ANXA9: variants seen among roughly 807,000 people sequenced by gnomAD.
ANXA9 encodes annexin 31.
Under a neutral mutation model 51.8 loss-of-function variants are expected in ANXA9, and 47 were observed. The ratio of observed to expected loss-of-function variants is 0.91; its 90% confidence interval spans 0.72 to 1.16. The LOEUF (loss-of-function observed/expected upper bound fraction) is 1.16, where lower values mean the gene tolerates loss of function less well. ANXA9 is among the 50% of genes most tolerant of loss of function. The probability of loss-of-function intolerance (pLI) is 0.00; values close to 1 mark genes in which losing one functional copy is unlikely to be tolerated. For synonymous variants in ANXA9, 154 were observed against 168.7 expected, an observed-to-expected ratio of 0.91 and a Z score of 0.68; for missense variants, 361 against 424.7, an observed-to-expected ratio of 0.85 and a Z score of 1.32.
At chr1:150,990,882 T>A (rs1030472193) in intron 12 of ANXA9, among the ~76,000 whole-genome samples, 2 of 151,978 alleles carry the variant, frequency 1.3e-5, no homozygotes, top group Admixed American at 1.3e-4. Context: ...CGGTGGCTCA[T>A]GCCTGTAATC....
At chr1:150,990,706 G>C (rs139999434) in intron 12 of ANXA9, among the ~76,000 whole-genome samples, 3 of 152,158 alleles carry the variant, frequency 2.0e-5, no homozygotes, top group Admixed American at 6.5e-5. Flanking sequence ...AATTAGCCAG[G>C]GGGTAGTGGT....
rs968668021 is a variant in ANXA9 at position 150,988,441 on chromosome 1, A to T, written c.852+100A>T. 8.6e-6 allele frequency: 12 copies of T among 1,402,510 alleles called. No homozygotes were observed. In the African/African-American group the frequency reaches 1.7e-4, roughly 20 times the overall value. The allele number at this position is 1,402,510 out of a possible 1,614,324, so 86.9% of individuals were successfully genotyped here. On this transcript the variant is annotated intron_variant, in intron 12 of 13. Transcript: ENST00000368947. ...GTAACCATCCTATATACACCGTCTAAACCTCAAGCCGCTCTCCTTCCCAGG... is the reference window on the plus strand; with the variant it reads ...GTAACCATCCTATATACACCGTCTATACCTCAAGCCGCTCTCCTTCCCAGG...
At chr1:150,983,207 C>T (rs1310121067) in intron 3 of ANXA9, 27 bp downstream of exon 3, 4 of 1,610,538 alleles carry the variant, frequency 2.5e-6, no homozygotes, top group Non-Finnish European at 8.5e-7. Context: ...TTTTAGAGAT[C>T]ACTTTTAGTA....
chr1:150,995,231 T>C, intron 13 of ANXA9, 29 bp from the exon 14 acceptor site: 3 of 1,599,974 alleles, frequency 1.9e-6, no homozygotes, highest in Non-Finnish European at 2.6e-6. Context: ...GTGGTGGATC[T>C]TTCTAACACT....
intron 9 of ANXA9, among the ~76,000 whole-genome samples, chr1:150,987,404 GCA>G (rs1229606788): frequency 4.0e-5 from 5 of 125,724 alleles, no homozygotes; most frequent in Non-Finnish European, 5.2e-5. Flanking sequence ...ACACACACAC[GCA>G]CACACACAAA....
intron 12 of ANXA9, among the ~76,000 whole-genome samples, chr1:150,994,099 G>A (rs964240280): frequency 6.6e-6 from 1 of 152,178 alleles, no homozygotes; most frequent in Non-Finnish European, 1.5e-5. Context: ...ATCAGAACTA[G>A]AAGTCACACA....
intron 13 of ANXA9, 118 bp downstream of exon 13, chr1:150,994,817 G>C: frequency 6.6e-7 from 1 of 1,505,544 alleles, no homozygotes; most frequent in Non-Finnish European, 8.9e-7. Flanking sequence ...TAGTTAGCCA[G>C]GCACAGTGGC....
At position 150,984,631 on chromosome 1, in the gene ANXA9, C is replaced by T. The variant is rs761956643; in HGVS notation, c.427C>T (p.Arg143Ter). 42 of 1,614,098 alleles carry T rather than the reference C, an allele frequency of 2.6e-5. No homozygotes were observed. The highest frequency in any genetic ancestry group is 1.7e-4 in the Middle Eastern group (1 of 6,060). The change falls in exon 7 of 14, where the codon CGA (arginine) becomes TGA (stop). Residue 143 changes from arginine (R) to a stop codon, truncating the protein, a stop_gained. Transcript: ENST00000368947. LOFTEE classifies it high-confidence loss of function. The part of the protein sequence containing the change: ...VDVAIEILAT[R>*]TPPQLQECLA... Reference sequence around the variant, plus strand: ...CGTGGCCATTGAAATTCTTGCCACTCGAACCCCACCCCAGCTGCAGGAGTG... The same window carrying T: ...CGTGGCCATTGAAATTCTTGCCACTTGAACCCCACCCCAGCTGCAGGAGTG...
rs761428752 is a variant in ANXA9 at position 150,988,163 on chromosome 1, C to T, written c.770C>T (p.Ala257Val). Residue 257 changes from alanine to valine, a missense_variant, in exon 11 of 14, where the codon GCT becomes GTT. By Grantham distance (64) the Ala-to-Val change is moderately conservative. Transcript: ENST00000368947. ...EAVQNRFHGD[A>V]QVALLGLASV... ...GTCCAGAACCGTTTCCATGGAGATG[C>T]TCAGGTGGCTCTGCTCGGCCTAGGT... is the stretch of plus-strand genomic sequence containing the variant. 1.1e-5 allele frequency: 17 copies of T among 1,614,126 alleles called. No individual in the cohort carries two copies. In the South Asian group the frequency reaches 1.5e-4, roughly 15 times the overall value.
At chr1:150,991,662 C>T (rs1671702875) in intron 12 of ANXA9, among the ~76,000 whole-genome samples, 1 of 152,206 alleles carries the variant, frequency 6.6e-6, no homozygotes, top group Admixed American at 6.5e-5. Flanking sequence ...CTGCCTCACC[C>T]TCCCAAGTAG....
Position 150,984,650 on chromosome 1 carries a change from A to C in ANXA9, c.446A>C (p.Gln149Pro). The C allele has an allele frequency of 6.2e-7, 1 of 1,614,032 alleles. No individual in the cohort carries two copies. The highest frequency in any genetic ancestry group is 1.7e-5 in the Admixed American group (1 of 59,990). The change falls in exon 7 of 14, where the codon CAG becomes CCG. Residue 149 changes from glutamine (Q) to proline (P), a missense_variant. Gln to Pro is a moderately conservative substitution (Grantham distance 76, BLOSUM62 -1). Coordinates refer to ENST00000368947, the MANE Select transcript of ANXA9 (RefSeq NM_003568.3). ...GCCACTCGAACCCCACCCCAGCTGC[A>C]GGAGTGCCTGGCAGTCTACAAACAC... is the stretch of plus-strand genomic sequence containing the variant. ...ILATRTPPQL[Q>P]ECLAVYKHNF...
At chr1:150,979,035 G>A (rs1321755189), upstream of ANXA9, among the ~76,000 whole-genome samples, 1 of 151,840 alleles carries the variant, frequency 6.6e-6, no homozygotes, top group Non-Finnish European at 1.5e-5. Flanking sequence ...ATTCTAAAAT[G>A]TACAACATGG....
In ANXA9 at chr1:150,984,346, G is replaced by A. The variant is rs753977252; in HGVS notation, c.333G>A (p.Leu111=). The A allele has an allele frequency of 2.5e-6, 4 of 1,614,166 alleles. No individual in the cohort carries two copies. Among genetic ancestry groups the A allele is most frequent in the Non-Finnish European group, 3.4e-6 (4 of 1,180,032 alleles). Reference sequence around the variant, plus strand: ...TGGAGAGGATTGTGATGGCTCTGCTGCAGCCCACAGCCCAGTTTGACGCCC... The same window carrying A: ...TGGAGAGGATTGTGATGGCTCTGCTACAGCCCACAGCCCAGTTTGACGCCC... ...GNLERIVMAL[L]QPTAQFDAQE... The change falls in exon 6 of 14, where the codon CTG becomes CTA. Residue 111 remains leucine (L), a synonymous_variant. Transcript: ENST00000368947.
At chr1:150,994,507 C>T (rs1462280904) in intron 12 of ANXA9, 70 bp from the exon 13 acceptor site, 4 of 1,593,486 alleles carry the variant, frequency 2.5e-6, no homozygotes, top group Middle Eastern at 1.7e-4. Context: ...AATAACCCTC[C>T]AAGCCATTCA....
chr1:150,992,395 C>CA (rs1461251704), intron 12 of ANXA9, among the ~76,000 whole-genome samples: 2 of 152,112 alleles, frequency 1.3e-5, no homozygotes, highest in African/African-American at 2.4e-5. Context: ...ACTAAATATA[C>CA]AAAATTAGCT....
intron 9 of ANXA9, among the ~76,000 whole-genome samples, chr1:150,987,094 A>C (rs1031000835): frequency 1.3e-5 from 2 of 152,174 alleles, no homozygotes; most frequent in African/African-American, 4.8e-5. Context: ...TAGGCCAGGC[A>C]TGGTGGCTTA....
intron 12 of ANXA9, among the ~76,000 whole-genome samples, chr1:150,993,175 A>T (rs927040739): frequency 2.2e-4 from 33 of 151,958 alleles, no homozygotes; most frequent in African/African-American, 8.0e-4. Context: ...TGATGACAAC[A>T]CTGGTGCACA....
At position 150,986,671 on chromosome 1, in the gene ANXA9, G is replaced by A. The variant is rs757089916; in HGVS notation, c.612+10G>A. On this transcript the variant is annotated intron_variant, in intron 9 of 13. Coordinates refer to ENST00000368947, the MANE Select transcript of ANXA9 (RefSeq NM_003568.3). ...AGAACAAGATGTCCAGGTGAGCAGGGGGTTTAGGAGTGTGCACAGCCGCCA... is the reference window on the plus strand; with the variant it reads ...AGAACAAGATGTCCAGGTGAGCAGGAGGTTTAGGAGTGTGCACAGCCGCCA... 1.3e-6 allele frequency: 2 copies of A among 1,584,604 alleles called. No homozygotes were observed. Among genetic ancestry groups the A allele is most frequent in the South Asian group, 2.3e-5 (2 of 86,312 alleles).
intron 5 of ANXA9, 62 bp from the exon 6 acceptor site, chr1:150,984,219 C>T: frequency 1.3e-6 from 2 of 1,563,666 alleles, no homozygotes; most frequent in South Asian, 1.1e-5. Flanking sequence ...CCAAACCTCC[C>T]CACACTTCTG....
Sources: gnomAD v4.1 joint callset for allele counts (sites outside exome capture counted in the v4.1 genomes callset) on GRCh38, gnomAD v4.1.1 for gene constraint, MANE v1.5 for transcripts, NCBI Gene and HGNC (gene_info 2026-07-23, HGNC 2026-07-21) for gene names.